CYRIB: variants seen among roughly 807,000 people sequenced by gnomAD.
CYRIB encodes CYFIP related Rac1 interactor B.
CYRIB carries 8 observed loss-of-function variants against 44.2 expected under a neutral mutation model. The observed-to-expected ratio is 0.18, with a 90% CI of 0.11 to 0.33. The LOEUF is 0.33. CYRIB is among the 10% of genes least tolerant of loss of function. CYRIB has a pLI of 1.00. For missense variants in CYRIB, 185 were observed against 382.8 expected (o/e 0.48, Z 4.31); for synonymous variants, 131 against 127.2 (o/e 1.03, Z -0.20).
chr8:129,863,775 T>C (rs979333971), intron 4 of CYRIB, among the ~76,000 whole-genome samples: 1 of 152,214 alleles, frequency 6.6e-6, no homozygotes. Context: ...CAAAAATACA[T>C]ATTTTTTTGT....
intron 1 of CYRIB, among the ~76,000 whole-genome samples, chr8:130,012,229 T>C (rs999146622): frequency 2.6e-5 from 4 of 152,142 alleles, no homozygotes; most frequent in African/African-American, 7.2e-5. Context: ...GGACAGAATG[T>C]AAGCTCCATG....
rs3077880 is a variant in CYRIB, at chr8:129,983,009, TAA to T, written c.-295-12016_-295-12015del. Among the ~76,000 whole-genome samples the T allele has an allele frequency of 1.9e-3, 260 of 138,132 alleles. 3 individuals are homozygous for T. Among genetic ancestry groups the T allele is most frequent in the South Asian group, 4.5e-3 (20 of 4,408 alleles). 90.6% of individuals were successfully genotyped at this position (138,132 alleles called of 152,430 possible). A position where few individuals can be genotyped will look rare whatever the true frequency, so the allele number is the denominator to read the frequency against. On this transcript the variant is annotated intron_variant, in intron 1 of 14. Transcript: ENST00000401979. ...ACCAATTATACCTTAGTAGAGCTGT[TAA>T]AAAAAAAAAAAAAAACACCCTTGGA...
intron 1 of CYRIB, 72 bp downstream of exon 1, chr8:130,016,298 G>A (rs1384223284): frequency 6.8e-6 from 1 of 146,714 alleles, no homozygotes; most frequent in Non-Finnish European, 1.5e-5. Flanking sequence ...GCCCTCTCCG[G>A]GGGCAAATCG....
At position 129,948,304 on chromosome 8, in the gene CYRIB, G is replaced by A. The variant is rs147091787; in HGVS notation, c.-243+22639C>T. Among the ~76,000 whole-genome samples, 77 of 152,252 alleles carry A rather than the reference G, an allele frequency of 5.1e-4. No homozygotes were observed. The South Asian group carries it at 0.01, about 20-fold the overall frequency. On this transcript the variant is annotated intron_variant, in intron 2 of 14. Transcript: ENST00000401979. Reference sequence around the variant, plus strand: ...TCACTTCTTCCCAAGCCCTACCCTCGAGGAGAGGTTTTTCCCAAGGGATAG... The same window carrying A: ...TCACTTCTTCCCAAGCCCTACCCTCAAGGAGAGGTTTTTCCCAAGGGATAG...
At chr8:129,908,916 T>C (rs2624810) in intron 1 of CYRIB, among the ~76,000 whole-genome samples, 28,292 of 152,112 alleles carry the variant, frequency 0.19, 2,819 homozygotes, top group Non-Finnish European at 0.21. Context: ...TAAATATTAA[T>C]ACAATATCAA....
intron 1 of CYRIB, among the ~76,000 whole-genome samples, chr8:129,990,498 G>A (rs984471322): frequency 3.0e-4 from 13 of 43,584 alleles, no homozygotes; most frequent in African/African-American, 1.6e-3. Flanking sequence ...GTGTGTATGC[G>A]TGTGTGTGTG....
At chr8:129,906,307 A>T (rs1469393216) in intron 1 of CYRIB, among the ~76,000 whole-genome samples, 1 of 152,250 alleles carries the variant, frequency 6.6e-6, no homozygotes, top group Non-Finnish European at 1.5e-5. Flanking sequence ...ACACATCTAC[A>T]ACTATCTGAT....
intron 3 of CYRIB, among the ~76,000 whole-genome samples, chr8:129,874,650 G>A (rs757193140): frequency 2.1e-4 from 32 of 152,080 alleles, no homozygotes; most frequent in Admixed American, 6.6e-4. Context: ...AGAGGGTACA[G>A]AGACATAAAT....
At chr8:129,880,632 G>A (rs912888704) in intron 2 of CYRIB, among the ~76,000 whole-genome samples, 3 of 152,128 alleles carry the variant, frequency 2.0e-5, no homozygotes, top group Non-Finnish European at 4.4e-5. Context: ...TATAGCTCCT[G>A]TCCCTCTTTT....
At chr8:129,953,502 C>T (rs1376644309) in intron 2 of CYRIB, among the ~76,000 whole-genome samples, 1 of 152,184 alleles carries the variant, frequency 6.6e-6, no homozygotes, top group Non-Finnish European at 1.5e-5. Flanking sequence ...GTGCTCTCAA[C>T]CTCTGTGCTT....
At chr8:129,939,818 G>A (rs2093492989) in exon 1 of CYRIB, 4 of 152,468 alleles carry the variant, frequency 2.6e-5, no homozygotes, top group South Asian at 2.1e-4. Context: ...TGACCCGGAT[G>A]TACAGGGTAA....
intron 1 of CYRIB, among the ~76,000 whole-genome samples, chr8:129,986,102 C>T (rs1398988010): frequency 6.6e-6 from 1 of 152,114 alleles, no homozygotes; most frequent in Non-Finnish European, 1.5e-5. Flanking sequence ...GAAAGTACTG[C>T]GATCTGTGCC....
Position 130,012,261 on chromosome 8 carries a change from G to A in CYRIB, c.-296+4109C>T, listed in dbSNP as rs145546307. On this transcript the variant is annotated intron_variant, in intron 1 of 14. Transcript: ENST00000401979. ...CATGACTCGTCCATGTACTCTTCTCGACAAGCTCTGGTACAATTATCTTTC... is the reference window on the plus strand; with the variant it reads ...CATGACTCGTCCATGTACTCTTCTCAACAAGCTCTGGTACAATTATCTTTC... 5.9e-5 allele frequency among the ~76,000 whole-genome samples: 9 copies of A among 152,072 alleles called. No homozygotes were observed. The South Asian group carries it at 1.2e-3, about 21-fold the overall frequency.
At chr8:129,942,276 T>G (rs1172204229), upstream of CYRIB, among the ~76,000 whole-genome samples, 3 of 152,162 alleles carry the variant, frequency 2.0e-5, no homozygotes, top group South Asian at 4.1e-4. Flanking sequence ...GAGGTGAAGG[T>G]TGCAGTTAGC....
intron 1 of CYRIB, among the ~76,000 whole-genome samples, chr8:130,006,629 CATATATATGTGTATATATAT>C (rs61489383): frequency 4.8e-4 from 11 of 23,142 alleles, no homozygotes; most frequent in Admixed American, 1.8e-3. Flanking sequence ...TATATATATA[CATATATATGTGTATATATAT>C]ACATATATAT....
In CYRIB at chr8:129,867,443, T is replaced by C. The variant is rs564221118; in HGVS notation, c.195+3932A>G. ...TTTGGCTATTTATTTTTTTAAAATTTACAAAAAAAAAGTTAAAATGGTTAG... is the reference window on the plus strand; with the variant it reads ...TTTGGCTATTTATTTTTTTAAAATTCACAAAAAAAAAGTTAAAATGGTTAG... On this transcript the variant is annotated intron_variant, in intron 4 of 11. Coordinates refer to ENST00000519824, the Ensembl canonical transcript of CYRIB. Among the ~76,000 whole-genome samples, 29 of 151,714 alleles carry C rather than the reference T, an allele frequency of 1.9e-4. 1 individual carries two copies. The highest frequency in any genetic ancestry group is 6.5e-4 in the African/African-American group (27 of 41,440).
chr8:129,928,324 G>GAA (rs1184855913), intron 1 of CYRIB, among the ~76,000 whole-genome samples: 43 of 52,612 alleles, frequency 8.2e-4, no homozygotes, highest in African/African-American at 1.8e-3. Context: ...CATCTCTTAA[G>GAA]AAAAAAAAAA....
chr8:129,912,305 T>C (rs1220201506), intron 1 of CYRIB: 1 of 152,188 alleles, frequency 6.6e-6, no homozygotes, highest in Non-Finnish European at 1.5e-5. Context: ...TCCAAAATTA[T>C]CTGAAGTTGC....
chr8:129,872,838 C>G lies in CYRIB; in HGVS notation c.74-1342G>C, dbSNP rs562264528. Among the ~76,000 whole-genome samples, 16 of 152,126 alleles carry G rather than the reference C, an allele frequency of 1.1e-4. No individual in the cohort carries two copies. The South Asian group carries it at 2.1e-3, about 20-fold the overall frequency. ...AATCATATAAAATTAGTTAACTAGA[C>G]TTTTCTGCTCCTTTTCACCTCACCA... On this transcript the variant is annotated intron_variant, in intron 3 of 11. Coordinates refer to ENST00000519824, the Ensembl canonical transcript of CYRIB.
Sources: gnomAD v4.1 joint callset for allele counts (sites outside exome capture counted in the v4.1 genomes callset) on GRCh38, gnomAD v4.1.1 for gene constraint, MANE v1.5 for transcripts, NCBI Gene and HGNC (gene_info 2026-07-23, HGNC 2026-07-21) for gene names.